The following ZNF506 variants were observed in gnomAD, a reference collection of about 807,000 sequenced individuals.
ZNF506 encodes the protein zinc finger protein 506.
ZNF506 carries 10 observed loss-of-function variants against 11.6 expected under a neutral mutation model. The ratio of observed to expected loss-of-function variants is 0.86; its 90% CI spans 0.53 to 1.46. ZNF506 has a LOEUF of 1.46. Ranked by LOEUF, ZNF506 falls within the 40% of genes most tolerant of loss-of-function variation. The pLI, the probability that ZNF506 is intolerant of heterozygous loss-of-function variation, is 0.00. For missense variants in ZNF506, 425 were observed against 521.2 expected (o/e 0.82, Z 1.80); for synonymous variants, 156 against 173.3 (o/e 0.90, Z 0.78).
chr19:19,814,132 C>G (rs2335362), intron 1 of ZNF506, among the ~76,000 whole-genome samples: 117,986 of 151,954 alleles, frequency 0.78, 45,911 homozygotes, highest in South Asian at 0.87. Flanking sequence ...GCAGAGGCTG[C>G]GTGTGATTGC....
intron 1 of ZNF506, among the ~76,000 whole-genome samples, chr19:19,807,720 G>A (rs2062846545): frequency 2.0e-5 from 3 of 152,008 alleles, no homozygotes; most frequent in Non-Finnish European, 4.4e-5. Flanking sequence ...TGTTGGTCAG[G>A]CTGCTCTTGA....
intron 1 of ZNF506, among the ~76,000 whole-genome samples, chr19:19,814,410 A>AAATAATAATAATAATAATAATAATAAT (rs59922058): frequency 1.7e-4 from 24 of 144,150 alleles, no homozygotes; most frequent in East Asian, 1.4e-3. Flanking sequence ...CTCCATCTCA[A>AAATAATAATAATAATAATAATAATAAT]AATAATAATA....
In ZNF506 at chr19:19,793,621, G is replaced by T. The variant is rs1049417746; in HGVS notation, c.*931C>A. Among the ~76,000 whole-genome samples the T allele has an allele frequency of 6.6e-6, 1 of 152,194 alleles. No individual in the cohort carries two copies. The highest frequency in any genetic ancestry group is 2.4e-5 in the African/African-American group (1 of 41,464). ...CTTTAAAGGCTTATATTTTCTGAAA[G>T]ATTTTTTGACAGTAATTGCACTTTT... is the stretch of plus-strand genomic sequence containing the variant. On this transcript the variant is annotated 3_prime_UTR_variant, in exon 4 of 4. Transcript: ENST00000540806.
chr19:19,813,644 T>C (rs2335361), intron 1 of ZNF506, among the ~76,000 whole-genome samples: 149,342 of 152,344 alleles, frequency 0.98, 73,211 homozygotes, highest in East Asian at 1. Flanking sequence ...ACGCACAGGC[T>C]GTAAATGCCT....
chr19:19,802,722 A>T (rs2062805287), intron 3 of ZNF506, among the ~76,000 whole-genome samples: 1 of 152,216 alleles, frequency 6.6e-6, no homozygotes, highest in Non-Finnish European at 1.5e-5. Context: ...CACTGTCCTA[A>T]ATTTCTGAAT....
At chr19:19,796,521 A>T (rs2062743798) in intron 3 of ZNF506, 1 of 152,000 alleles carries the variant, frequency 6.6e-6, no homozygotes, top group South Asian at 2.1e-4. Context: ...CTCCTGCCAC[A>T]GCCTCCCAAC....
chr19:19,795,219 T>C lies in ZNF506; in HGVS notation c.668A>G (p.His223Arg). The C allele has an allele frequency of 6.2e-7, 1 of 1,613,946 alleles. No individual in the cohort carries two copies. The highest frequency in any genetic ancestry group is 8.5e-7 in the Non-Finnish European group (1 of 1,179,952). Residue 223 changes from histidine (H) to arginine (R), a missense_variant, in exon 4 of 4, where the codon CAT becomes CGT. Coordinates refer to ENST00000540806, the MANE Select transcript of ZNF506 (RefSeq NM_001099269.3). ...ACATTTGTAGGGTTTCTCTCCAGTA[T>C]GAATTTTCTTATGTGTAGTAAGGTG... The part of the protein sequence containing the change: ...SSHLTTHKKI[H>R]TGEKPYKCEE...
chr19:19,815,050 G>T (rs975111898), intron 1 of ZNF506, among the ~76,000 whole-genome samples: 1 of 152,124 alleles, frequency 6.6e-6, no homozygotes, highest in African/African-American at 2.4e-5. Context: ...GAGGTCAGGA[G>T]ATCGAGACCA....
chr19:19,821,519 C>T, intron 1 of ZNF506, 82 bp downstream of exon 1: 1 of 1,590,028 alleles, frequency 6.3e-7, no homozygotes, highest in Non-Finnish European at 8.6e-7. Flanking sequence ...TGAGTTCTGC[C>T]ACTGCCACAG....
chr19:19,797,056 A>G (rs908617155), intron 3 of ZNF506: 6 of 152,256 alleles, frequency 3.9e-5, no homozygotes, highest in African/African-American at 1.4e-4. Context: ...AAAGATTACA[A>G]TGTATACAAA....
chr19:19,808,592 TCCCAGCACTTTGGGAGG>T (rs2145193743), intron 1 of ZNF506, among the ~76,000 whole-genome samples: 1 of 142,800 alleles, frequency 7.0e-6, no homozygotes, highest in Admixed American at 7.1e-5. Flanking sequence ...ACGCCTGTAA[TCCCAGCACTTTGGGAGG>T]CACGAGGTGG....
At chr19:19,805,533 A>G (rs997169198) in intron 3 of ZNF506, among the ~76,000 whole-genome samples, 1 of 152,188 alleles carries the variant, frequency 6.6e-6, no homozygotes, top group African/African-American at 2.4e-5. Flanking sequence ...AACAAAGCAG[A>G]AGGATATCAT....
At position 19,794,375 on chromosome 19, in the gene ZNF506, C is replaced by G; in HGVS notation, c.*177G>C. ...CATATTCTTCACACTTGTAGGGTTT[C>G]TGTCCAGTATAAATTATGTGTAATA... On this transcript the variant is annotated 3_prime_UTR_variant, in exon 4 of 4. Coordinates refer to ENST00000540806, the MANE Select transcript of ZNF506 (RefSeq NM_001099269.3). 1.6e-6 allele frequency: 1 copy of G among 624,240 alleles called. No individual in the cohort carries two copies. The highest frequency in any genetic ancestry group is 2.7e-6 in the Non-Finnish European group (1 of 373,202). 38.7% of individuals were successfully genotyped at this position (624,240 alleles called of 1,614,324 possible).
chr19:19,801,755 C>T (rs1011123093), intron 3 of ZNF506, among the ~76,000 whole-genome samples: 7 of 151,330 alleles, frequency 4.6e-5, no homozygotes, highest in Non-Finnish European at 1.0e-4. Context: ...CGCACCACTG[C>T]AATCCAGCCT....
intron 1 of ZNF506, among the ~76,000 whole-genome samples, chr19:19,819,150 T>G (rs1183494929): frequency 6.6e-6 from 1 of 152,070 alleles, no homozygotes. Context: ...CCACGTGCAT[T>G]TTACTTTGTT....
At chr19:19,821,098 C>T (rs1164193592) in intron 1 of ZNF506, among the ~76,000 whole-genome samples, 1 of 152,198 alleles carries the variant, frequency 6.6e-6, no homozygotes, top group Non-Finnish European at 1.5e-5. Flanking sequence ...TGGGGTTTCC[C>T]CATTTTGGCC....
Position 19,794,943 on chromosome 19 carries a change from C to A in ZNF506, c.944G>T (p.Cys315Phe). 6.2e-7 allele frequency: 1 copy of A among 1,613,906 alleles called. No individual in the cohort carries two copies. The highest frequency in any genetic ancestry group is 8.5e-7 in the Non-Finnish European group (1 of 1,180,000). The change falls in exon 4 of 4, where the codon TGT becomes TTT. Residue 315 changes from cysteine to phenylalanine, a missense_variant. By Grantham distance (205) the Cys-to-Phe change is radical. Transcript: ENST00000540806. ...GTTAAAAGCTTTGCCACATTCCTCACATTTGTAGGGTTTCTCTCCAGTATG... is the reference window on the plus strand; with the variant it reads ...GTTAAAAGCTTTGCCACATTCCTCAAATTTGTAGGGTTTCTCTCCAGTATG... The part of the protein sequence containing the change: ...IIHTGEKPYK[C>F]EECGKAFNRS...
intron 1 of ZNF506, among the ~76,000 whole-genome samples, chr19:19,812,349 TA>T (rs967355186): frequency 1.3e-5 from 2 of 152,254 alleles, no homozygotes; most frequent in African/African-American, 4.8e-5. Context: ...TGATTCTAAA[TA>T]GAAAATGGAA....
intron 1 of ZNF506, among the ~76,000 whole-genome samples, chr19:19,816,567 C>CCA (rs1461311921): frequency 6.6e-6 from 1 of 152,032 alleles, no homozygotes; most frequent in East Asian, 1.9e-4. Flanking sequence ...ACCCTGTTAG[C>CCA]CAGGATGGTC....
Sources: allele counts gnomAD v4.1 joint callset (sites outside exome capture counted in the v4.1 genomes callset), GRCh38; gene constraint gnomAD v4.1.1; transcripts MANE v1.5; gene names NCBI Gene and HGNC (gene_info 2026-07-23, HGNC 2026-07-21).